The following OTOG variants were observed in gnomAD, a reference collection of about 807,000 sequenced individuals.
OTOG encodes otogelin.
A neutral mutation model predicts 313.8 loss-of-function variants in OTOG; 296 were observed. The observed-to-expected ratio is 0.94, with a 90% confidence interval of 0.86 to 1.04. The LOEUF is 1.04. OTOG is among the 50% of genes least tolerant of loss of function. The probability of loss-of-function intolerance (pLI) is 0.00; values close to 1 mark genes in which losing one functional copy is unlikely to be tolerated. For synonymous variants in OTOG, 1,533 were observed against 1,554.9 expected (o/e 0.99, Z 0.33); for missense variants, 3,948 against 3,840.1 (o/e 1.03, Z -0.74).
chr11:17,603,834 C>A (rs1412314734), intron 32 of OTOG, among the ~76,000 whole-genome samples: 1 of 152,174 alleles, frequency 6.6e-6, no homozygotes, highest in Admixed American at 6.5e-5. Flanking sequence ...TGGGGAGTCA[C>A]CACCACAGCC....
At chr11:17,630,031 G>A (rs1854080958) in intron 40 of OTOG, among the ~76,000 whole-genome samples, 1 of 151,976 alleles carries the variant, frequency 6.6e-6, no homozygotes, top group Non-Finnish European at 1.5e-5. Flanking sequence ...GCACCCCGGT[G>A]ATCATTCACA....
chr11:17,600,178 T>A (rs538824106), intron 31 of OTOG, among the ~76,000 whole-genome samples: 1 of 152,076 alleles, frequency 6.6e-6, no homozygotes, highest in Non-Finnish European at 1.5e-5. Flanking sequence ...TTCCGGGAGA[T>A]GCTCTGACAT....
At chr11:17,555,692 G>A (rs1852041340) in intron 6 of OTOG, 87 bp from the exon 7 acceptor site, 12 of 1,040,814 alleles carry the variant, frequency 1.2e-5, no homozygotes, top group Non-Finnish European at 1.7e-5. Flanking sequence ...ACAGCCATCG[G>A]CATTAGTGAA....
In OTOG at chr11:17,573,155, C is replaced by A. The variant is rs150123440; in HGVS notation, c.2158C>A (p.Pro720Thr). The change falls in exon 19 of 56, where the codon CCC becomes ACC. Residue 720 changes from proline (P) to threonine (T), a missense_variant. Transcript: ENST00000399397. ...APCSAFLSPV[P>T]YFEQCRRDAC... ...CTGCTCTGCGTTCCTGAGCCCCGTG[C>A]CCTACTTTGAGCAGTGCCGCAGGGA... The A allele has an allele frequency of 1.3e-6, 2 of 1,544,940 alleles. No individual in the cohort carries two copies. The highest frequency in any genetic ancestry group is 8.7e-7 in the Non-Finnish European group (1 of 1,146,950).
chr11:17,599,963 A>T (rs2134071343), intron 31 of OTOG, among the ~76,000 whole-genome samples: 1 of 152,318 alleles, frequency 6.6e-6, no homozygotes, highest in Non-Finnish European at 1.5e-5. Context: ...GGGCAGCCCC[A>T]CCAGGAAGGA....
chr11:17,563,664 G>A (rs1367830219), intron 15 of OTOG, among the ~76,000 whole-genome samples: 1 of 150,820 alleles, frequency 6.6e-6, no homozygotes, highest in Non-Finnish European at 1.5e-5. Flanking sequence ...TTGGGTCTCA[G>A]GGTCCCTTAC....
chr11:17,643,153 C>T (rs1430126457), intron 53 of OTOG, among the ~76,000 whole-genome samples: 1 of 152,242 alleles, frequency 6.6e-6, no homozygotes, highest in East Asian at 1.9e-4. Context: ...CCCTTATCCT[C>T]TGTGCTGGGA....
chr11:17,622,435 A>G (rs1329259459), intron 39 of OTOG, among the ~76,000 whole-genome samples: 1 of 152,172 alleles, frequency 6.6e-6, no homozygotes, highest in Non-Finnish European at 1.5e-5. Context: ...TATTGACTGT[A>G]GTCACCCTGT....
rs1298777374 is a variant in OTOG at position 17,608,449 on chromosome 11, T to G, written c.4274+36T>G. The G allele has an allele frequency of 2.1e-6, 3 of 1,403,410 alleles. No homozygotes were observed. The South Asian group carries it at 4.1e-5, about 19-fold the overall frequency. 86.9% of individuals were successfully genotyped at this position (1,403,410 alleles called of 1,614,324 possible). A position where few individuals can be genotyped will look rare whatever the true frequency, so the allele number is the denominator to read the frequency against. ...AGGGGCTGTGGGCATGGAGCCAAGG[T>G]GTGTGCACTAGTGTGTGTGTGCACT... is the stretch of plus-strand genomic sequence containing the variant. On this transcript the variant is annotated intron_variant, in intron 34 of 55. Transcript: ENST00000399397.
At chr11:17,597,201 G>A (rs56067961) in intron 30 of OTOG, among the ~76,000 whole-genome samples, 194 bp downstream of exon 30, 95 of 152,306 alleles carry the variant, frequency 6.2e-4, no homozygotes, top group South Asian at 2.1e-4. Flanking sequence ...CTATTTTACA[G>A]TTGAAGAAAC....
In OTOG at chr11:17,596,137, G is replaced by A; in HGVS notation, c.3508G>A (p.Glu1170Lys). The change falls in exon 29 of 56, where the codon GAG becomes AAG. Residue 1170 changes from glutamate to lysine, a missense_variant. Glu to Lys is a moderately conservative substitution (Grantham distance 56, BLOSUM62 1). Coordinates refer to ENST00000399397, the MANE Select transcript of OTOG (RefSeq NM_001292063.2). ...ECSILLSEVFEICHPVVDVTW... is the reference protein window; with the variant it reads ...ECSILLSEVFKICHPVVDVTW... ...CAGCATCCTGCTCAGTGAGGTGTTT[G>A]AGATCTGCCACCCTGTGGTGAGTGT... The A allele has an allele frequency of 6.5e-7, 1 of 1,550,224 alleles. No individual in the cohort carries two copies. The highest frequency in any genetic ancestry group is 1.4e-5 in the African/African-American group (1 of 73,128).
chr11:17,595,292 T>C (rs979401507), intron 28 of OTOG, among the ~76,000 whole-genome samples: 1 of 152,240 alleles, frequency 6.6e-6, no homozygotes, highest in Non-Finnish European at 1.5e-5. Context: ...ATGTACATCA[T>C]ATTTCTCTCT....
At position 17,613,642 on chromosome 11, in the gene OTOG, G is replaced by A; in HGVS notation, c.6469G>A (p.Val2157Met). 6.4e-7 allele frequency: 1 copy of A among 1,550,748 alleles called. No homozygotes were observed. The highest frequency in any genetic ancestry group is 8.7e-7 in the Non-Finnish European group (1 of 1,147,062). ...GHLNWPPFCL[V>M]MLNMTHLAHQ... ...CCTGAACTGGCCCCCGTTCTGTCTG[G>A]TGATGTTGAACATGACTCACTTGGC... The change falls in exon 39 of 56, where the codon GTG becomes ATG. Residue 2157 changes from valine to methionine, a missense_variant. Physicochemically the swap from Val to Met is conservative, Grantham distance 21. Coordinates refer to ENST00000399397, the MANE Select transcript of OTOG (RefSeq NM_001292063.2).
At chr11:17,637,167 C>A (rs1854286331) in intron 47 of OTOG, among the ~76,000 whole-genome samples, 1 of 152,208 alleles carries the variant, frequency 6.6e-6, no homozygotes, top group Non-Finnish European at 1.5e-5. Context: ...CTTCCAGATT[C>A]TCTCTATGGC....
intron 32 of OTOG, among the ~76,000 whole-genome samples, chr11:17,602,600 G>A (rs1853282837): frequency 6.6e-6 from 1 of 152,186 alleles, no homozygotes; most frequent in Non-Finnish European, 1.5e-5. Flanking sequence ...AGGCCCAGGT[G>A]TGCCTCTGTA....
At chr11:17,602,066 T>G in intron 31 of OTOG, 144 bp from the exon 32 acceptor site, 104 of 926,228 alleles carry the variant, frequency 1.1e-4, no homozygotes, top group Non-Finnish European at 1.4e-4. Flanking sequence ...TCAAGGTCCC[T>G]GAGATCTGGG....
chr11:17,594,580 G>C (rs573014419), intron 28 of OTOG, among the ~76,000 whole-genome samples: 3 of 152,198 alleles, frequency 2.0e-5, no homozygotes, highest in Non-Finnish European at 2.9e-5. Context: ...GCACTTAAAG[G>C]CTGGGCCATG....
Position 17,609,284 on chromosome 11 carries a change from T to G in OTOG, c.4354+75T>G, listed in dbSNP as rs541107746. On this transcript the variant is annotated intron_variant, in intron 35 of 55. Transcript: ENST00000399397. ...TAGGGTCTCACTGAGCAGTCATGCC[T>G]CAAAGCTCCCAGGTCCCAGAGAAGC... 125 of 1,342,430 alleles carry G rather than the reference T, an allele frequency of 9.3e-5. No individual in the cohort carries two copies. The African/African-American group carries it at 1.5e-3, about 16-fold the overall frequency. The allele number at this position is 1,342,430 out of a possible 1,614,324, so 83.2% of individuals were successfully genotyped here.
chr11:17,630,321 T>C (rs1308217490), intron 40 of OTOG, among the ~76,000 whole-genome samples: 3 of 152,166 alleles, frequency 2.0e-5, no homozygotes, highest in Non-Finnish European at 4.4e-5. Context: ...TTCTCCTCTG[T>C]TCATTGCCAG....
Sources: allele counts gnomAD v4.1 joint callset (sites outside exome capture counted in the v4.1 genomes callset), GRCh38; gene constraint gnomAD v4.1.1; transcripts MANE v1.5; gene names NCBI Gene and HGNC (gene_info 2026-07-23, HGNC 2026-07-21).